Variants in CLDN12 observed in about 807,000 individuals in gnomAD.
CLDN12 encodes claudin-12.
Under a neutral mutation model 15.5 loss-of-function variants are expected in CLDN12, and 9 were observed. The observed-to-expected ratio is 0.58, with a 90% CI of 0.35 to 1.02. CLDN12 has a LOEUF of 1.02. Ranked by LOEUF, CLDN12 falls within the 50% of genes least tolerant of loss-of-function variation. The pLI is 0.02. For synonymous variants in CLDN12, 140 were observed against 121.6 expected, an observed-to-expected ratio of 1.15 and a Z score of -1.00; for missense variants, 233 against 297.3, an observed-to-expected ratio of 0.78 and a Z score of 1.59.
rs1372481614 is a variant in CLDN12 at position 90,405,591 on chromosome 7, T to C, written c.-94T>C. On this transcript the variant is annotated 5_prime_UTR_variant, in exon 2 of 4. Transcript: ENST00000496677. ...AAGCTGAATAAAGCTGTTTTGGAAC[T>C]GTCAGGTACCTCAAAGCGTAAGTAC... 6.6e-6 allele frequency: 1 copy of C among 152,218 alleles called. No individual in the cohort carries two copies. The highest frequency in any genetic ancestry group is 1.5e-5 in the Non-Finnish European group (1 of 68,044). The allele number at this position is 152,218 out of a possible 1,614,324, so 9.4% of individuals were successfully genotyped here.
intron 2 of CLDN12, chr7:90,409,225 T>G (rs566473914): frequency 6.6e-6 from 1 of 152,352 alleles, no homozygotes; most frequent in South Asian, 2.1e-4. Context: ...TTTGTTTGTT[T>G]GTTTGTTTGT....
At chr7:90,404,227 T>A (rs1349741181) in intron 1 of CLDN12, among the ~76,000 whole-genome samples, 1 of 151,636 alleles carries the variant, frequency 6.6e-6, no homozygotes. Flanking sequence ...TTCCTCTGAC[T>A]TTGGAGTGTG....
rs774762433 is a variant in CLDN12, at chr7:90,415,417, A to G, written c.*2006A>G. 6.0e-6 allele frequency: 1 copy of G among 166,968 alleles called. No individual in the cohort carries two copies. The highest frequency in any genetic ancestry group is 1.5e-5 in the Non-Finnish European group (1 of 68,110). The allele number at this position is 166,968 out of a possible 1,614,324, so 10.3% of individuals were successfully genotyped here. On this transcript the variant is annotated 3_prime_UTR_variant, in exon 4 of 4. Transcript: ENST00000496677. ...GGTCTTTGTGTATAAACAATGTTAAATAAAGGTAGACTCAGTCTTTAAGAT... is the reference window on the plus strand; with the variant it reads ...GGTCTTTGTGTATAAACAATGTTAAGTAAAGGTAGACTCAGTCTTTAAGAT...
chr7:90,413,653 A>G lies in CLDN12; in HGVS notation c.*242A>G, dbSNP rs1180638747. 25 of 1,267,724 alleles carry G rather than the reference A, an allele frequency of 2.0e-5. No homozygotes were observed. Among genetic ancestry groups the G allele is most frequent in the Non-Finnish European group, 2.5e-5 (25 of 1,000,390 alleles). 78.5% of individuals were successfully genotyped at this position (1,267,724 alleles called of 1,614,324 possible). On this transcript the variant is annotated 3_prime_UTR_variant, in exon 4 of 4. Transcript: ENST00000496677. ...ATTTTAGCCTTCATATTGATATCTAATTAATTATTTAAGTGGAAGAGGCCT... is the reference window on the plus strand; with the variant it reads ...ATTTTAGCCTTCATATTGATATCTAGTTAATTATTTAAGTGGAAGAGGCCT...
At chr7:90,408,800 T>C (rs952388097) in intron 2 of CLDN12, 1 of 152,224 alleles carries the variant, frequency 6.6e-6, no homozygotes, top group South Asian at 2.1e-4. Flanking sequence ...TTTGTATTGA[T>C]TTGATGCAGA....
In CLDN12 at chr7:90,413,370, G is replaced by T. The variant is rs756850579; in HGVS notation, c.694G>T (p.Ala232Ser). Residue 232 changes from alanine to serine, a missense_variant, in exon 4 of 4, where the codon GCC (alanine) becomes TCC (serine). Ala to Ser is a moderately conservative substitution (Grantham distance 99). Coordinates refer to ENST00000496677, the MANE Select transcript of CLDN12 (RefSeq NM_001185072.3). ...CTATTCAGCACGCTCTCGCCTCTCT[G>T]CCATTGAAATTGACATTCCAGTAGT... ...QPYSARSRLS[A>S]IEIDIPVVSH... The T allele has an allele frequency of 1.4e-5, 22 of 1,613,824 alleles. No individual in the cohort carries two copies. Among genetic ancestry groups the T allele is most frequent in the Non-Finnish European group, 1.8e-5 (21 of 1,179,914 alleles).
At chr7:90,404,185 A>T (rs979603455) in intron 1 of CLDN12, among the ~76,000 whole-genome samples, 11 of 142,296 alleles carry the variant, frequency 7.7e-5, no homozygotes, top group Admixed American at 2.3e-4. Context: ...TTGCTCAAGG[A>T]TTCTATTGTG....
chr7:90,413,715 A>T lies in CLDN12; in HGVS notation c.*304A>T, dbSNP rs559947062. 3.6e-6 allele frequency: 4 copies of T among 1,099,336 alleles called. No individual in the cohort carries two copies. The South Asian group carries it at 1.6e-4, about 44-fold the overall frequency. The allele number at this position is 1,099,336 out of a possible 1,614,324, so 68.1% of individuals were successfully genotyped here. On this transcript the variant is annotated 3_prime_UTR_variant, in exon 4 of 4. Coordinates refer to ENST00000496677, the MANE Select transcript of CLDN12 (RefSeq NM_001185072.3). The stretch of plus-strand genomic sequence containing the variant: ...GAGGTAATGTAGAGCAACATGTTAA[A>T]GAATGATGGTTAGCAGAAGCTGTTG...
intron 1 of CLDN12, among the ~76,000 whole-genome samples, chr7:90,403,854 T>C (rs935020171): frequency 1.6e-4 from 24 of 152,168 alleles, no homozygotes; most frequent in Admixed American, 7.2e-4. Context: ...AATGATGACC[T>C]GCTTGCGGTT....
At position 90,413,403 on chromosome 7, in the gene CLDN12, A is replaced by G. The variant is rs1797010396; in HGVS notation, c.727A>G (p.Thr243Ala). Residue 243 changes from threonine (T) to alanine (A), a missense_variant, in exon 4 of 4, where the codon ACC becomes GCC. Thr to Ala is a moderately conservative substitution (Grantham distance 58, BLOSUM62 0). Coordinates refer to ENST00000496677, the MANE Select transcript of CLDN12 (RefSeq NM_001185072.3). ...IEIDIPVVSHTT is the reference protein window; with the variant it reads ...IEIDIPVVSHAT ...AATTGACATTCCAGTAGTTTCACAC[A>G]CCACTTAATGGGGAAATAGTTAATT... The G allele has an allele frequency of 1.2e-6, 2 of 1,612,584 alleles. No homozygotes were observed. Among genetic ancestry groups the G allele is most frequent in the Non-Finnish European group, 1.7e-6 (2 of 1,178,854 alleles).
rs1368552758 is a variant in CLDN12, at chr7:90,405,537, C to T, written c.-148C>T. 6.6e-6 allele frequency: 1 copy of T among 152,172 alleles called. No individual in the cohort carries two copies. The highest frequency in any genetic ancestry group is 1.5e-5 in the Non-Finnish European group (1 of 68,036). 9.4% of individuals were successfully genotyped at this position (152,172 alleles called of 1,614,324 possible). ...TCTTTAGGCTCAGATTATTGCTACTCTGTATTCAGATCTTCATGTGTCTCT... is the reference window on the plus strand; with the variant it reads ...TCTTTAGGCTCAGATTATTGCTACTTTGTATTCAGATCTTCATGTGTCTCT... On this transcript the variant is annotated 5_prime_UTR_variant, in exon 2 of 4. Coordinates refer to ENST00000496677, the MANE Select transcript of CLDN12 (RefSeq NM_001185072.3).
At chr7:90,408,721 C>A (rs920248206) in intron 2 of CLDN12, among the ~76,000 whole-genome samples, 3 of 152,032 alleles carry the variant, frequency 2.0e-5, no homozygotes, top group African/African-American at 4.8e-5. Flanking sequence ...ATAGATAGGC[C>A]TCTGTCCATC....
chr7:90,409,251 C>G (rs1048610041), intron 2 of CLDN12: 1 of 152,228 alleles, frequency 6.6e-6, no homozygotes, highest in Non-Finnish European at 1.5e-5. Context: ...GACAGAGTCT[C>G]GTGCTCTGTC....
intron 2 of CLDN12, among the ~76,000 whole-genome samples, chr7:90,408,501 C>T (rs116684591): frequency 6.6e-6 from 1 of 151,906 alleles, no homozygotes; most frequent in African/African-American, 2.4e-5. Context: ...AGAGTAAGAC[C>T]CTGTCTTAAA....
chr7:90,412,669 T>A lies in CLDN12; in HGVS notation c.-8T>A. 6.2e-7 allele frequency: 1 copy of A among 1,607,240 alleles called. No homozygotes were observed. Among genetic ancestry groups the A allele is most frequent in the South Asian group, 1.1e-5 (1 of 89,682 alleles). On this transcript the variant is annotated 5_prime_UTR_variant, in exon 4 of 4. Transcript: ENST00000496677. ...TCTGACTGACAGTACTCCACAAGCT[T>A]GCCTGCCATGGGCTGTCGGGATGTC...
chr7:90,408,478 C>T (rs930878141), intron 2 of CLDN12, among the ~76,000 whole-genome samples: 8 of 152,148 alleles, frequency 5.3e-5, no homozygotes, highest in African/African-American at 1.7e-4. Context: ...CCCTGCACTC[C>T]AGCTTGGGTG....
intron 2 of CLDN12, chr7:90,409,087 A>G (rs1796903274): frequency 6.6e-6 from 1 of 152,130 alleles, no homozygotes; most frequent in South Asian, 2.1e-4. Flanking sequence ...ATGGAGTTAT[A>G]CATCCTGATC....
chr7:90,406,880 C>T (rs1796847455), intron 2 of CLDN12, among the ~76,000 whole-genome samples: 1 of 152,144 alleles, frequency 6.6e-6, no homozygotes, highest in African/African-American at 2.4e-5. Flanking sequence ...ACGTTTTCCA[C>T]AGTCCCTAAT....
rs1348873072 is a variant in CLDN12 at position 90,414,358 on chromosome 7, A to G, written c.*947A>G. 2 of 1,000,312 alleles carry G rather than the reference A, an allele frequency of 2.0e-6. No individual in the cohort carries two copies. Among genetic ancestry groups the G allele is most frequent in the Non-Finnish European group, 2.4e-6 (2 of 830,010 alleles). The allele number at this position is 1,000,312 out of a possible 1,614,324, so 62.0% of individuals were successfully genotyped here. A position where few individuals can be genotyped will look rare whatever the true frequency, so the allele number is the denominator to read the frequency against. ...GGGTGAAGTAAGGTATGGCTTTACC[A>G]TAACCTTGATTCATTCACCCTTGAT... On this transcript the variant is annotated 3_prime_UTR_variant, in exon 4 of 4. Transcript: ENST00000496677.
Sources: gnomAD v4.1 joint callset for allele counts (sites outside exome capture counted in the v4.1 genomes callset) on GRCh38, gnomAD v4.1.1 for gene constraint, MANE v1.5 for transcripts, NCBI Gene and HGNC (gene_info 2026-07-23, HGNC 2026-07-21) for gene names.